Variants in SLC38A10 observed in about 807,000 individuals in gnomAD.
SLC38A10 encodes the protein solute carrier family 38 member 10.
In SLC38A10, 53 loss-of-function variants were observed where a neutral mutation model predicts 81.0. The ratio of observed to expected loss-of-function variants is 0.65; its 90% CI spans 0.53 to 0.82. The LOEUF (loss-of-function observed/expected upper bound fraction) is 0.82, where lower values mean the gene tolerates loss of function less well. Ranked by LOEUF, SLC38A10 falls within the 40% of genes least tolerant of loss-of-function variation. The pLI, the probability that SLC38A10 is intolerant of heterozygous loss-of-function variation, is 0.00. For synonymous variants in SLC38A10, 665 were observed against 655.3 expected (o/e 1.01, Z -0.23); for missense variants, 1,471 against 1,545.0 (o/e 0.95, Z 0.80).
chr17:81,245,502 C>G lies in SLC38A10; in HGVS notation c.*54G>C. 1.3e-6 allele frequency: 2 copies of G among 1,531,366 alleles called. No individual in the cohort carries two copies. The highest frequency in any genetic ancestry group is 1.2e-5 in the South Asian group (1 of 80,340). 94.9% of individuals were successfully genotyped at this position (1,531,366 alleles called of 1,614,324 possible). ...TGGCTGGGATGCGGCTGAGACAGAC[C>G]TGCTGCTGGCCGAGGAGGGCAGTGG... On this transcript the variant is annotated 3_prime_UTR_variant, in exon 16 of 16. Transcript: ENST00000374759.
chr17:81,292,281 C>T (rs2063317627), intron 1 of SLC38A10, among the ~76,000 whole-genome samples: 2 of 152,000 alleles, frequency 1.3e-5, no homozygotes, highest in Admixed American at 6.6e-5. Flanking sequence ...CGCCTGACAT[C>T]GCGCACAGCT....
rs900552277 is a variant in SLC38A10 at position 81,277,461 on chromosome 17, A to T, written c.627-328T>A. On this transcript the variant is annotated intron_variant, in intron 6 of 15. Coordinates refer to ENST00000374759, the MANE Select transcript of SLC38A10 (RefSeq NM_001037984.3). The surrounding 1 kb of genome is among the most constrained non-coding windows in gnomAD (Gnocchi z 4.5). ...AGTTTACAGGGCAAGCAGCCGGAGG[A>T]GGCTGCTCAGAGAATCGCTGTCAAG... 5.3e-5 allele frequency among the ~76,000 whole-genome samples: 8 copies of T among 152,218 alleles called. No homozygotes were observed. The highest frequency in any genetic ancestry group is 4.6e-4 in the Admixed American group (7 of 15,284).
At position 81,256,430 on chromosome 17, in the gene SLC38A10, G is replaced by A. The variant is rs932049123; in HGVS notation, c.1289-3190C>T. 3.3e-5 allele frequency among the ~76,000 whole-genome samples: 5 copies of A among 152,214 alleles called. No individual in the cohort carries two copies. The South Asian group carries it at 8.3e-4, about 25-fold the overall frequency. On this transcript the variant is annotated intron_variant, in intron 11 of 15. Coordinates refer to ENST00000374759, the MANE Select transcript of SLC38A10 (RefSeq NM_001037984.3). ...CGCTGCCGTCCGGACCCCAAGAGTC[G>A]GCAAGGTGGCTCTGCGGGCTGCCGG...
intron 10 of SLC38A10, chr17:81,263,483 A>G (rs377681022): frequency 1.3e-5 from 2 of 152,270 alleles, no homozygotes; most frequent in African/African-American, 4.8e-5. Context: ...CTGAACACTG[A>G]GATGGTGACG....
chr17:81,245,268 C>G lies in SLC38A10; in HGVS notation c.*288G>C. 1 of 372,224 alleles carries G rather than the reference C, an allele frequency of 2.7e-6. No homozygotes were observed. Among genetic ancestry groups the G allele is most frequent in the South Asian group, 4.8e-5 (1 of 20,640 alleles). 23.1% of individuals were successfully genotyped at this position (372,224 alleles called of 1,614,324 possible). On this transcript the variant is annotated 3_prime_UTR_variant, in exon 16 of 16. Transcript: ENST00000374759. ...CAGCCTGAGCCTGGGAGTGCACCAG[C>G]CAGCTCGCAGCGGAGGCCGTTTCTC...
rs748608503 is a variant in SLC38A10, at chr17:81,251,617, A to G, written c.1946-5T>C. On this transcript the variant is annotated splice_region_variant and splice_polypyrimidine_tract_variant and intron_variant, in intron 13 of 15. Transcript: ENST00000374759. ...CTGGGAGGGGAGGCTTCCCACCTGC[A>G]CACACGGTGAAGACTCAGAAGGTTT... 4.7e-6 allele frequency: 7 copies of G among 1,486,362 alleles called. No individual in the cohort carries two copies. In the African/African-American group the frequency reaches 7.0e-5, roughly 15 times the overall value. 92.1% of individuals were successfully genotyped at this position (1,486,362 alleles called of 1,614,324 possible).
In SLC38A10 at chr17:81,277,168, A is replaced by C. The variant is rs2063169824; in HGVS notation, c.627-35T>G. On this transcript the variant is annotated intron_variant, in intron 6 of 15. Transcript: ENST00000374759. The surrounding 1 kb of genome is among the most constrained non-coding windows in gnomAD (Gnocchi z 4.5). ...AACAGGCCATTTCACAGCGGACCTG[A>C]GAGAGGCACGCCCTCCCCAGCGGCT... 6.3e-7 allele frequency: 1 copy of C among 1,597,534 alleles called. No individual in the cohort carries two copies. The highest frequency in any genetic ancestry group is 1.1e-5 in the South Asian group (1 of 90,534).
At position 81,245,916 on chromosome 17, in the gene SLC38A10, C is replaced by T; in HGVS notation, c.3000G>A (p.Gln1000=). 1 of 1,611,738 alleles carries T rather than the reference C, an allele frequency of 6.2e-7. No individual in the cohort carries two copies. Among genetic ancestry groups the T allele is most frequent in the Non-Finnish European group, 8.5e-7 (1 of 1,179,256 alleles). ...CAGCAGCGTCCTCCCCGCCTCTCGG[C>T]TGCTCGTGGGACACAGGCACATGGT... The part of the protein sequence containing the change: ...GGDHVPVSHE[Q]PRGGEDAAVQ... The change falls in exon 16 of 16, where the codon CAG becomes CAA. Residue 1000 remains glutamine (Q), a synonymous_variant. Transcript: ENST00000374759.
In SLC38A10 at chr17:81,283,276, C is replaced by G; in HGVS notation, c.357+133G>C. 1.3e-6 allele frequency: 1 copy of G among 784,890 alleles called. No individual in the cohort carries two copies. The highest frequency in any genetic ancestry group is 2.1e-6 in the Non-Finnish European group (1 of 479,516). 48.6% of individuals were successfully genotyped at this position (784,890 alleles called of 1,614,324 possible). On this transcript the variant is annotated intron_variant, in intron 4 of 15. Transcript: ENST00000374759. The surrounding 1 kb of genome is among the most constrained non-coding windows in gnomAD (Gnocchi z 4.7). ...AAAGCCCCCGCACTCCACCAAGCCC[C>G]TAGAATGACAGCAGGCTCGACAGAA...
At chr17:81,271,790 G>C (rs1425000930) in intron 9 of SLC38A10, among the ~76,000 whole-genome samples, 1 of 144,880 alleles carries the variant, frequency 6.9e-6, no homozygotes, top group African/African-American at 2.6e-5. Context: ...GTAGTGGAGC[G>C]ATCTCAGCTC....
At chr17:81,274,543 C>A (rs1407799325) in intron 8 of SLC38A10, among the ~76,000 whole-genome samples, 1 of 152,214 alleles carries the variant, frequency 6.6e-6, no homozygotes, top group Non-Finnish European at 1.5e-5. Flanking sequence ...GCTCACAGAT[C>A]TCAGGCTGCG....
rs2063171103 is a variant in SLC38A10, at chr17:81,277,334, G to GGAC, written c.627-204_627-202dup. ...GGAGCGTTGCAGCAGCCCCCACTCA[G>GGAC]GACACCCCCCAGAGCGTGCACCATG... On this transcript the variant is annotated intron_variant, in intron 6 of 15. Transcript: ENST00000374759. This position sits in a 1 kb window ranked among gnomAD's most constrained non-coding sequence, Gnocchi z 4.5. 6.6e-6 allele frequency among the ~76,000 whole-genome samples: 1 copy of GGAC among 152,198 alleles called. No homozygotes were observed. The highest frequency in any genetic ancestry group is 6.5e-5 in the Admixed American group (1 of 15,284).
In SLC38A10 at chr17:81,289,207, A is replaced by G. The variant is rs566054874; in HGVS notation, c.217+484T>C. ...AGATGCCTGCCACCATGTCTGGCTAATTTTTTGTATTTCTGGTAGAGATGG... is the reference window on the plus strand; with the variant it reads ...AGATGCCTGCCACCATGTCTGGCTAGTTTTTTGTATTTCTGGTAGAGATGG... On this transcript the variant is annotated intron_variant, in intron 2 of 15. Transcript: ENST00000374759. This position sits in a 1 kb window ranked among gnomAD's most constrained non-coding sequence, Gnocchi z 5.9. Among the ~76,000 whole-genome samples the G allele has an allele frequency of 8.2e-4, 125 of 151,838 alleles. 1 individual carries two copies. The highest frequency in any genetic ancestry group is 2.7e-3 in the African/African-American group (112 of 41,376).
Position 81,276,220 on chromosome 17 carries a change from G to C in SLC38A10, c.730-69C>G. 1 of 1,455,208 alleles carries C rather than the reference G, an allele frequency of 6.9e-7. No individual in the cohort carries two copies. Among genetic ancestry groups the C allele is most frequent in the Non-Finnish European group, 9.3e-7 (1 of 1,077,212 alleles). The allele number at this position is 1,455,208 out of a possible 1,614,324, so 90.1% of individuals were successfully genotyped here. On this transcript the variant is annotated intron_variant, in intron 7 of 15. Transcript: ENST00000374759. This position sits in a 1 kb window ranked among gnomAD's most constrained non-coding sequence, Gnocchi z 4.7. ...AGCCGAGTGGCACCTGTCACAGTGGGCAGGGCATGGGGGGGACCTGTGCCC... is the reference window on the plus strand; with the variant it reads ...AGCCGAGTGGCACCTGTCACAGTGGCCAGGGCATGGGGGGGACCTGTGCCC...
chr17:81,280,561 G>A lies in SLC38A10; in HGVS notation c.626+48C>T, dbSNP rs200142611. ...AGAGGGTCCCGTCTCCCAGCAGCTC[G>A]CCCTCCCCGTCACAGAACTCCACCA... On this transcript the variant is annotated intron_variant, in intron 6 of 15. Transcript: ENST00000374759. 2.1e-5 allele frequency: 33 copies of A among 1,602,896 alleles called. No individual in the cohort carries two copies. In the Middle Eastern group the frequency reaches 5.0e-4, roughly 24 times the overall value.
Position 81,295,266 on chromosome 17 carries a change from A to C in SLC38A10, c.-345T>G, listed in dbSNP as rs1426547168. ...AAGAGCCGCAGAGCCAGCTAGGGAC[A>C]CCTCAGCCCAACTCAGCTGCCGCCG... On this transcript the variant is annotated 5_prime_UTR_variant, in exon 1 of 16. Coordinates refer to ENST00000374759, the MANE Select transcript of SLC38A10 (RefSeq NM_001037984.3). 6.4e-6 allele frequency: 1 copy of C among 156,952 alleles called. No homozygotes were observed. The highest frequency in any genetic ancestry group is 1.4e-5 in the Non-Finnish European group (1 of 70,944). 9.7% of individuals were successfully genotyped at this position (156,952 alleles called of 1,614,324 possible).
intron 10 of SLC38A10, chr17:81,263,705 C>T (rs1378758835): frequency 1.3e-5 from 2 of 152,402 alleles, no homozygotes; most frequent in Non-Finnish European, 2.9e-5. Flanking sequence ...GACACCAGCA[C>T]TGCCCAGCTT....
intron 14 of SLC38A10, 140 bp downstream of exon 14, chr17:81,251,353 G>A: frequency 6.2e-7 from 1 of 1,612,910 alleles, no homozygotes; most frequent in Non-Finnish European, 8.5e-7. Context: ...CTCTCCGAGG[G>A]GTCTGCTCAG....
At chr17:81,260,768 A>T (rs2063015603) in intron 10 of SLC38A10, among the ~76,000 whole-genome samples, 1 of 152,174 alleles carries the variant, frequency 6.6e-6, no homozygotes. Context: ...AGCGGGAGGG[A>T]CAGCGGCTTC....
Sources: gnomAD v4.1 joint callset for allele counts (sites outside exome capture counted in the v4.1 genomes callset) on GRCh38, gnomAD v4.1.1 for gene constraint, Gnocchi (gnomAD v3.1) non-coding constraint, MANE v1.5 for transcripts, NCBI Gene and HGNC (gene_info 2026-07-23, HGNC 2026-07-21) for gene names.